Variants in BCL2 observed in about 807,000 individuals in gnomAD.
BCL2 encodes the protein apoptosis regulator Bcl-2.
In BCL2, 1 loss-of-function variant was observed where a neutral mutation model predicts 14.2. The ratio of observed to expected loss-of-function variants is 0.07; its 90% CI spans 0.02 to 0.33. The LOEUF (loss-of-function observed/expected upper bound fraction) is 0.33. Ranked by LOEUF, BCL2 falls within the 10% of genes least tolerant of loss-of-function variation. The probability of loss-of-function intolerance (pLI) is 0.99; values close to 1 mark genes in which losing one functional copy is unlikely to be tolerated. For missense variants in BCL2, 247 were observed against 305.9 expected, an observed-to-expected ratio of 0.81 and a Z score of 1.44; for synonymous variants, 151 against 137.2, an observed-to-expected ratio of 1.10 and a Z score of -0.70.
intron 2 of BCL2, among the ~76,000 whole-genome samples, chr18:63,269,438 T>G (rs1405430627): frequency 1.3e-5 from 2 of 152,130 alleles, no homozygotes; most frequent in Admixed American, 1.3e-4. Flanking sequence ...CTTTCTCTGT[T>G]GAGGGACGTG....
At chr18:63,280,328 T>C (rs953032553) in intron 2 of BCL2, among the ~76,000 whole-genome samples, 3 of 152,214 alleles carry the variant, frequency 2.0e-5, no homozygotes, top group African/African-American at 7.2e-5. Flanking sequence ...TAATATCTAT[T>C]TCTCAGGGTT....
chr18:63,270,784 T>C (rs186831661), intron 2 of BCL2, among the ~76,000 whole-genome samples: 39 of 152,316 alleles, frequency 2.6e-4, no homozygotes, highest in Non-Finnish European at 4.3e-4. Flanking sequence ...AAGCAGTAAA[T>C]ACATACTCAT....
Position 63,220,570 on chromosome 18 carries a change from A to C in BCL2, c.586-91811T>G, listed in dbSNP as rs138505321. On this transcript the variant is annotated intron_variant, in intron 2 of 2. Coordinates refer to ENST00000333681, the MANE Select transcript of BCL2 (RefSeq NM_000633.3). Reference sequence around the variant, plus strand: ...TCGTCATCAACTCATCCACAGGAAAACACTTTGGAAAATGGTAAAGATATA... The same window carrying C: ...TCGTCATCAACTCATCCACAGGAAACCACTTTGGAAAATGGTAAAGATATA... Among the ~76,000 whole-genome samples, 716 of 152,306 alleles carry C rather than the reference A, an allele frequency of 4.7e-3. 6 individuals are homozygous for C. Among genetic ancestry groups the C allele is most frequent in the African/African-American group, 0.016 (675 of 41,564 alleles).
chr18:63,182,417 A>C (rs1915497641), intron 2 of BCL2, among the ~76,000 whole-genome samples: 1 of 152,206 alleles, frequency 6.6e-6, no homozygotes, highest in Non-Finnish European at 1.5e-5. Flanking sequence ...CTGTACTGAG[A>C]AAACACAGAG....
chr18:63,252,407 T>C (rs977136591), intron 2 of BCL2, among the ~76,000 whole-genome samples: 2 of 152,202 alleles, frequency 1.3e-5, no homozygotes, highest in Non-Finnish European at 2.9e-5. Flanking sequence ...TTTACTTCCT[T>C]CCATACCTAT....
chr18:63,271,919 C>T (rs1912013596), intron 2 of BCL2, among the ~76,000 whole-genome samples: 1 of 152,214 alleles, frequency 6.6e-6, no homozygotes, highest in South Asian at 2.1e-4. Context: ...GTATGAACCA[C>T]CGTGCAGGTA....
Position 63,318,358 on chromosome 18 carries a change from G to A in BCL2, c.309C>T (p.Asp103=). ...AGTCGCGGCGGTAGCGGCGGGAGAA[G>A]TCGTCGCCGGCCTGGCGGAGGGTCA... ...VHLTLRQAGD[D]FSRRYRRDFA... is the part of the protein sequence containing the mutation. The change falls in exon 2 of 3, where the codon GAC becomes GAT. Residue 103 remains aspartate (D), a synonymous_variant. Coordinates refer to ENST00000333681, the MANE Select transcript of BCL2 (RefSeq NM_000633.3). This position sits in a 1 kb window ranked among gnomAD's most constrained non-coding sequence, Gnocchi z 7.4. The A allele has an allele frequency of 6.2e-7, 1 of 1,608,320 alleles. No homozygotes were observed. Among genetic ancestry groups the A allele is most frequent in the Non-Finnish European group, 8.5e-7 (1 of 1,176,574 alleles).
chr18:63,275,728 G>C (rs1392729464), intron 2 of BCL2, among the ~76,000 whole-genome samples: 1 of 152,190 alleles, frequency 6.6e-6, no homozygotes, highest in African/African-American at 2.4e-5. Flanking sequence ...CCAGTTACAG[G>C]AAAGGCATCT....
chr18:63,266,604 ATCTCTCTCTCTCTC>A (rs36078664), intron 2 of BCL2, among the ~76,000 whole-genome samples: 6 of 141,552 alleles, frequency 4.2e-5, no homozygotes, highest in Admixed American at 7.2e-5. Context: ...TGGAACATAA[ATCTCTCTCTCTCTC>A]TCTCTCTCTC....
Position 63,127,372 on chromosome 18 carries a change from C to G in BCL2, c.*1253G>C, listed in dbSNP as rs2049721964. The G allele has an allele frequency of 4.3e-6, 1 of 234,858 alleles. No homozygotes were observed. The highest frequency in any genetic ancestry group is 1.8e-4 in the South Asian group (1 of 5,556). 14.5% of individuals were successfully genotyped at this position (234,858 alleles called of 1,614,324 possible). ...CCATGTCCTTCTGATAGGAAGGGCC[C>G]AGGGCCTCTGTTCCTTCCCTCTACA... On this transcript the variant is annotated 3_prime_UTR_variant, in exon 3 of 3. Transcript: ENST00000333681.
rs1356324421 is a variant in BCL2 at position 63,149,069 on chromosome 18, C to T, written c.586-20310G>A. Among the ~76,000 whole-genome samples, 8 of 152,188 alleles carry T rather than the reference C, an allele frequency of 5.3e-5. No homozygotes were observed. Among genetic ancestry groups the T allele is most frequent in the East Asian group, 1.9e-4 (1 of 5,198 alleles). ...GTCATAAGTGTGCATGGAGCAGCGA[C>T]GTGCTTATGCTGACACCTCTGTCTC... On this transcript the variant is annotated intron_variant, in intron 2 of 2. Coordinates refer to ENST00000333681, the MANE Select transcript of BCL2 (RefSeq NM_000633.3). This position sits in a 1 kb window ranked among gnomAD's most constrained non-coding sequence, Gnocchi z 4.2.
chr18:63,300,210 C>G (rs1912920886), intron 2 of BCL2, among the ~76,000 whole-genome samples: 2 of 151,990 alleles, frequency 1.3e-5, no homozygotes, highest in Non-Finnish European at 2.9e-5. Context: ...AGCAAAAACT[C>G]CCCCTAGAAA....
chr18:63,266,072 T>A (rs1911814102), intron 2 of BCL2, among the ~76,000 whole-genome samples: 1 of 152,138 alleles, frequency 6.6e-6, no homozygotes, highest in African/African-American at 2.4e-5. Context: ...CAGGATTTTA[T>A]CCTGCAGATC....
chr18:63,221,697 T>C (rs1910396091), intron 2 of BCL2, among the ~76,000 whole-genome samples: 1 of 152,092 alleles, frequency 6.6e-6, no homozygotes, highest in South Asian at 2.1e-4. Context: ...ACCCTAACCA[T>C]GAAAAGGTGG....
Position 63,318,608 on chromosome 18 carries a change from T to C in BCL2, c.59A>G (p.His20Arg). Residue 20 changes from histidine to arginine, a missense_variant, in exon 2 of 3, where the codon CAT (histidine) becomes CGT (arginine). His to Arg is a conservative substitution (Grantham distance 29). Around this residue, in one of 3 missense-constraint regions of BCL2, gnomAD observed 144 missense variants for 135.3 expected, o/e 1.06. Coordinates refer to ENST00000333681, the MANE Select transcript of BCL2 (RefSeq NM_000633.3). This position sits in a 1 kb window ranked among gnomAD's most constrained non-coding sequence, Gnocchi z 7.4. ...DNREIVMKYI[H>R]YKLSQRGYEW... ...GTAGCCCCTCTGCGACAGCTTATAA[T>C]GGATGTACTTCATCACTATCTCCCG... 1 of 1,612,842 alleles carries C rather than the reference T, an allele frequency of 6.2e-7. No individual in the cohort carries two copies. Among genetic ancestry groups the C allele is most frequent in the South Asian group, 1.1e-5 (1 of 91,072 alleles).
chr18:63,207,296 G>A (rs1909864071), intron 2 of BCL2, among the ~76,000 whole-genome samples: 2 of 152,314 alleles, frequency 1.3e-5, no homozygotes, highest in South Asian at 4.1e-4. Flanking sequence ...TTTGTGTACA[G>A]ATCCACAAAA....
chr18:63,259,418 C>A (rs749350968), intron 2 of BCL2, among the ~76,000 whole-genome samples: 3 of 152,242 alleles, frequency 2.0e-5, no homozygotes, highest in Admixed American at 6.5e-5. Flanking sequence ...CTGGGGAGCA[C>A]CTTGCCGTTG....
intron 2 of BCL2, among the ~76,000 whole-genome samples, chr18:63,310,717 C>T (rs1913289201): frequency 1.3e-5 from 2 of 152,140 alleles, no homozygotes; most frequent in Admixed American, 6.5e-5. Context: ...ATTCTAAAAC[C>T]CCTCTCCATG....
At chr18:63,280,112 T>C (rs1912267509) in intron 2 of BCL2, among the ~76,000 whole-genome samples, 1 of 152,228 alleles carries the variant, frequency 6.6e-6, no homozygotes, top group Admixed American at 6.5e-5. Context: ...TTATTATACT[T>C]CTAAATAAAA....
Sources: allele counts gnomAD v4.1 joint callset (sites outside exome capture counted in the v4.1 genomes callset), GRCh38; gene constraint gnomAD v4.1.1; regional missense constraint gnomAD v4.1.1; non-coding constraint Gnocchi (gnomAD v3.1); transcripts MANE v1.5; gene names NCBI Gene and HGNC (gene_info 2026-07-23, HGNC 2026-07-21).